The following ZNF469 variants were observed in gnomAD, a reference collection of about 807,000 sequenced individuals.
ZNF469 encodes zinc finger protein 469.
A neutral mutation model predicts 1.0 loss-of-function variants in ZNF469; 1 was observed. The ratio of observed to expected loss-of-function variants is 1.00; its 90% CI spans 0.35 to 4.73. The LOEUF (loss-of-function observed/expected upper bound fraction) is 4.73, where lower values mean the gene tolerates loss of function less well. ZNF469 is among the 30% of genes most tolerant of loss of function. The pLI, the probability that ZNF469 is intolerant of heterozygous loss-of-function variation, is 0.16. For missense variants in ZNF469, 6,100 were observed against 5,356.3 expected (o/e 1.14, Z -4.33); for synonymous variants, 2,703 against 2,363.4 (o/e 1.14, Z -4.17).
the ZNF469 span, among the ~76,000 whole-genome samples, chr16:88,275,461 G>A: frequency 5.9e-5 from 9 of 152,318 alleles, no homozygotes; most frequent in East Asian, 1.5e-3. Flanking sequence ...AGAATCCAGT[G>A]CTCCTGAGAT....
Position 88,434,582 on chromosome 16 carries a change from G to A in ZNF469, c.7112G>A (p.Gly2371Glu). Residue 2371 changes from glycine to glutamate, a missense_variant, in exon 3 of 3, where the codon GGG (glycine) becomes GAG (glutamate). Physicochemically the swap from Gly to Glu is moderately conservative, Grantham distance 98 (BLOSUM62 -2). Transcript: ENST00000565624. ...CCCGCCTGCCTGGAAGGTGAGATGG[G>A]GACCAGCAGCAAGGAGCCGGAGGAC... is the stretch of plus-strand genomic sequence containing the variant. ...DSPACLEGEM[G>E]TSSKEPEDPG... 2.6e-6 allele frequency: 4 copies of A among 1,550,330 alleles called. No individual in the cohort carries two copies. The highest frequency in any genetic ancestry group is 2.4e-5 in the South Asian group (2 of 84,062).
chr16:88,428,480 G>A lies in ZNF469; in HGVS notation c.1010G>A (p.Cys337Tyr). 6.5e-7 allele frequency: 1 copy of A among 1,549,302 alleles called. No homozygotes were observed. Among genetic ancestry groups the A allele is most frequent in the Non-Finnish European group, 8.7e-7 (1 of 1,146,788 alleles). ...PTQPAPSPLP[C>Y]YQGQPGGLNR... is the part of the protein sequence containing the mutation. ...CAGCCTGCGCCCTCACCCCTGCCCT[G>A]CTACCAGGGCCAGCCAGGTGGCCTG... is the stretch of plus-strand genomic sequence containing the variant. Residue 337 changes from cysteine (C) to tyrosine (Y), a missense_variant, in exon 3 of 3, where the codon TGC (cysteine) becomes TAC (tyrosine). Coordinates refer to ENST00000565624, the MANE Select transcript of ZNF469 (RefSeq NM_001367624.2).
At chr16:88,402,874 A>C (rs1599351448) in intron 1 of ZNF469, among the ~76,000 whole-genome samples, 1 of 151,782 alleles carries the variant, frequency 6.6e-6, no homozygotes, top group South Asian at 2.1e-4. Flanking sequence ...GCCCAGGGTC[A>C]CTCCACCAGC....
rs891220959 is a variant in ZNF469 at position 88,435,618 on chromosome 16, A to G, written c.8148A>G (p.Ala2716=). The G allele has an allele frequency of 3.2e-6, 5 of 1,550,322 alleles. No homozygotes were observed. Among genetic ancestry groups the G allele is most frequent in the Non-Finnish European group, 4.4e-6 (5 of 1,146,970 alleles). Residue 2716 remains alanine, a synonymous_variant, in exon 3 of 3, where the codon GCA becomes GCG. Coordinates refer to ENST00000565624, the MANE Select transcript of ZNF469 (RefSeq NM_001367624.2). ...AGACTGACCAGGAGGCTCTGTGTGCAGGGGAGACTGGGGCCCAGAAGCCAC... is the reference window on the plus strand; with the variant it reads ...AGACTGACCAGGAGGCTCTGTGTGCGGGGGAGACTGGGGCCCAGAAGCCAC... ...AAETDQEALC[A]GETGAQKPPG...
In ZNF469 at chr16:88,433,690, C is replaced by A; in HGVS notation, c.6220C>A (p.His2074Asn). 1 of 1,549,548 alleles carries A rather than the reference C, an allele frequency of 6.5e-7. No homozygotes were observed. Among genetic ancestry groups the A allele is most frequent in the Non-Finnish European group, 8.7e-7 (1 of 1,146,696 alleles). ...ESLALALTAA[H>N]SRSGSEGRTP... Reference sequence around the variant, plus strand: ...CCTGGCGCTGGCCTTGACAGCAGCCCACAGCCGAAGTGGATCTGAGGGCCG... The same window carrying A: ...CCTGGCGCTGGCCTTGACAGCAGCCAACAGCCGAAGTGGATCTGAGGGCCG... The change falls in exon 3 of 3, where the codon CAC (histidine) becomes AAC (asparagine). Residue 2074 changes from histidine to asparagine, a missense_variant. By Grantham distance (68) the His-to-Asn change is moderately conservative. Transcript: ENST00000565624.
the ZNF469 span, among the ~76,000 whole-genome samples, chr16:88,223,577 G>A: frequency 6.6e-5 from 10 of 152,190 alleles, no homozygotes; most frequent in South Asian, 6.2e-4. Context: ...GCACAAAGCC[G>A]AGTGAAGAAC....
At chr16:88,151,495 G>C in the ZNF469 span, among the ~76,000 whole-genome samples, 1 of 152,196 alleles carries the variant, frequency 6.6e-6, no homozygotes, top group African/African-American at 2.4e-5. This position sits in a 1 kb window ranked among gnomAD's most constrained non-coding sequence, Gnocchi z 5.4. Context: ...ACCTGTAAGC[G>C]ACTGTCCAAA....
At chr16:88,352,440 G>C in the ZNF469 span, among the ~76,000 whole-genome samples, 1 of 152,232 alleles carries the variant, frequency 6.6e-6, no homozygotes, top group Non-Finnish European at 1.5e-5. Flanking sequence ...GTGCACAGAG[G>C]GAGGGGTTGC....
At chr16:88,257,628 A>T in the ZNF469 span, among the ~76,000 whole-genome samples, 23 of 151,962 alleles carry the variant, frequency 1.5e-4, no homozygotes, top group Non-Finnish European at 2.8e-4. Context: ...ATCTTCTAGG[A>T]GTTTTATAGT....
the ZNF469 span, among the ~76,000 whole-genome samples, chr16:88,235,591 G>C: frequency 1.3e-5 from 2 of 152,210 alleles, no homozygotes; most frequent in Admixed American, 6.5e-5. Context: ...CCCAAAAGAG[G>C]CTCCTTCCTT....
At position 88,435,262 on chromosome 16, in the gene ZNF469, A is replaced by G; in HGVS notation, c.7792A>G (p.Arg2598Gly). ...PASKPRPDQAREDELHPKQAE... is the reference protein window; with the variant it reads ...PASKPRPDQAGEDELHPKQAE... ...CTCCAAGCCCAGACCAGACCAGGCC[A>G]GGGAAGATGAGCTGCATCCCAAACA... Residue 2598 changes from arginine (R) to glycine (G), a missense_variant, in exon 3 of 3, where the codon AGG becomes GGG. By Grantham distance (125) the Arg-to-Gly change is moderately radical (BLOSUM62 -2). Transcript: ENST00000565624. The G allele has an allele frequency of 6.4e-7, 1 of 1,550,426 alleles. No individual in the cohort carries two copies. The highest frequency in any genetic ancestry group is 2.4e-5 in the East Asian group (1 of 40,930).
chr16:88,103,684 T>A, the ZNF469 span, among the ~76,000 whole-genome samples: 1 of 152,006 alleles, frequency 6.6e-6, no homozygotes, highest in East Asian at 1.9e-4. Flanking sequence ...GGTAGAATAA[T>A]CCTCCGTGGC....
chr16:88,155,903 A>T, the ZNF469 span, among the ~76,000 whole-genome samples: 8 of 152,170 alleles, frequency 5.3e-5, no homozygotes, highest in African/African-American at 1.2e-4. Context: ...CCACGTTCTC[A>T]TCAGCACTCA....
At chr16:88,310,287 T>A in the ZNF469 span, among the ~76,000 whole-genome samples, 2 of 151,994 alleles carry the variant, frequency 1.3e-5, no homozygotes, top group African/African-American at 4.8e-5. Flanking sequence ...AAGCAGAATT[T>A]CTTTGGGGAG....
chr16:88,296,867 G>A, the ZNF469 span, among the ~76,000 whole-genome samples: 1 of 152,228 alleles, frequency 6.6e-6, no homozygotes, highest in African/African-American at 2.4e-5. Context: ...CGAGGGGAGG[G>A]ACAGGCACAC....
chr16:88,137,345 G>A, the ZNF469 span, among the ~76,000 whole-genome samples: 102 of 152,308 alleles, frequency 6.7e-4, no homozygotes, highest in African/African-American at 2.1e-3. Context: ...GCATACAGCC[G>A]TCTGTAACTG....
the ZNF469 span, among the ~76,000 whole-genome samples, chr16:88,179,118 G>T: frequency 5.3e-5 from 8 of 152,296 alleles, no homozygotes; most frequent in African/African-American, 1.9e-4. Flanking sequence ...CTCGGAGTGG[G>T]CCCCAGACCC....
rs576401425 is a variant in ZNF469 at position 88,434,475 on chromosome 16, C to T, written c.7005C>T (p.Ala2335=). The T allele has an allele frequency of 1.6e-4, 241 of 1,549,888 alleles. No homozygotes were observed. The highest frequency in any genetic ancestry group is 1.9e-4 in the Non-Finnish European group (223 of 1,146,958). Residue 2335 remains alanine, a synonymous_variant, in exon 3 of 3, where the codon GCC becomes GCT. Coordinates refer to ENST00000565624, the MANE Select transcript of ZNF469 (RefSeq NM_001367624.2). ...GHSSYSPSNT[A]RLGHREGQAV... is the part of the protein sequence containing the mutation. ...CCTCGTATTCTCCAAGCAATACTGC[C>T]CGCCTCGGCCACAGGGAGGGCCAGG...
At chr16:88,301,549 T>C in the ZNF469 span, among the ~76,000 whole-genome samples, 4 of 152,182 alleles carry the variant, frequency 2.6e-5, no homozygotes, top group East Asian at 7.7e-4. Context: ...CCGAACAGCC[T>C]CTCCAGGGCA....
Sources: gnomAD v4.1 joint callset for allele counts (sites outside exome capture counted in the v4.1 genomes callset) on GRCh38, gnomAD v4.1.1 for gene constraint, Gnocchi (gnomAD v3.1) non-coding constraint, MANE v1.5 for transcripts, NCBI Gene and HGNC (gene_info 2026-07-23, HGNC 2026-07-21) for gene names.